Variants in KDM5B observed in about 807,000 individuals in gnomAD.
The protein encoded by KDM5B is lysine demethylase 5B, also known as lysine-specific demethylase 5B.
In KDM5B, 144 loss-of-function variants were observed where a neutral mutation model predicts 193.4. The ratio of observed to expected loss-of-function variants is 0.74; its 90% CI spans 0.65 to 0.86. The LOEUF (loss-of-function observed/expected upper bound fraction) is 0.86, where lower values mean the gene tolerates loss of function less well. KDM5B is among the 40% of genes least tolerant of loss of function. The pLI, the probability that KDM5B is intolerant of heterozygous loss-of-function variation, is 0.00. For synonymous variants in KDM5B, 668 were observed against 682.6 expected (o/e 0.98, Z 0.33); for missense variants, 1,833 against 1,886.9 (o/e 0.97, Z 0.53).
intron 18 of KDM5B, among the ~76,000 whole-genome samples, 173 bp from the exon 19 acceptor site, chr1:202,741,895 C>T (rs1445482227): frequency 6.6e-6 from 1 of 151,784 alleles, no homozygotes; most frequent in Non-Finnish European, 1.5e-5. Context: ...GTGACTATAA[C>T]AGACACCTTA....
At position 202,750,652 on chromosome 1, in the gene KDM5B, T is replaced by G. The variant is rs756704444; in HGVS notation, c.1821+7A>C. ...TTGAAAAGGTTAACTACATTGTAATTACATACCCAATCAACAGTGCAGAAG... is the reference window on the plus strand; with the variant it reads ...TTGAAAAGGTTAACTACATTGTAATGACATACCCAATCAACAGTGCAGAAG... On this transcript the variant is annotated splice_region_variant and intron_variant, in intron 13 of 26. Transcript: ENST00000367265. 3 of 1,613,058 alleles carry G rather than the reference T, an allele frequency of 1.9e-6. No individual in the cohort carries two copies. Among genetic ancestry groups the G allele is most frequent in the Non-Finnish European group, 2.5e-6 (3 of 1,179,428 alleles).
At chr1:202,757,144 G>A (rs1470211154) in intron 9 of KDM5B, among the ~76,000 whole-genome samples, 2 of 152,096 alleles carry the variant, frequency 1.3e-5, no homozygotes, top group African/African-American at 4.8e-5. Context: ...TAGATCCTTT[G>A]CATAGGCAGT....
At chr1:202,730,651 CTA>C (rs1487561182) in intron 25 of KDM5B, among the ~76,000 whole-genome samples, 2 of 152,142 alleles carry the variant, frequency 1.3e-5, no homozygotes, top group Non-Finnish European at 2.9e-5. Context: ...TCTATCCTAA[CTA>C]TATTCTCAGG....
At chr1:202,790,186 TC>T (rs1257053408) in intron 1 of KDM5B, among the ~76,000 whole-genome samples, 1 of 149,726 alleles carries the variant, frequency 6.7e-6, no homozygotes, top group African/African-American at 2.5e-5. Context: ...AATCTCAAAC[TC>T]GGGAGGTAAA....
rs1224349633 is a variant in KDM5B at position 202,745,847 on chromosome 1, G to A, written c.2323+11C>T. ...TTTGCCAATCACCAAGTCACTTTCT[G>A]TATCACATACTTTTCTTCTTGTTGA... On this transcript the variant is annotated intron_variant, in intron 16 of 26. Coordinates refer to ENST00000367265, the MANE Select transcript of KDM5B (RefSeq NM_006618.5). The A allele has an allele frequency of 6.2e-7, 1 of 1,613,692 alleles. No homozygotes were observed. Among genetic ancestry groups the A allele is most frequent in the African/African-American group, 1.3e-5 (1 of 75,030 alleles).
intron 1 of KDM5B, among the ~76,000 whole-genome samples, chr1:202,786,985 T>A (rs776801250): frequency 6.6e-6 from 1 of 152,210 alleles, no homozygotes; most frequent in Non-Finnish European, 1.5e-5. Flanking sequence ...TTATTCCTAC[T>A]GAGTCATGTC....
chr1:202,805,802 A>T (rs1196599542), intron 1 of KDM5B, among the ~76,000 whole-genome samples: 1 of 152,236 alleles, frequency 6.6e-6, no homozygotes, highest in African/African-American at 2.4e-5. Context: ...CAAGAGCTAC[A>T]ACTTCTGGAA....
In KDM5B at chr1:202,736,194, G is replaced by A. The variant is rs1655087071; in HGVS notation, c.3264+19C>T. The A allele has an allele frequency of 1.3e-6, 2 of 1,509,396 alleles. No homozygotes were observed. The highest frequency in any genetic ancestry group is 1.8e-6 in the Non-Finnish European group (2 of 1,124,410). 93.5% of individuals were successfully genotyped at this position (1,509,396 alleles called of 1,614,324 possible). On this transcript the variant is annotated intron_variant, in intron 21 of 26. Coordinates refer to ENST00000367265, the MANE Select transcript of KDM5B (RefSeq NM_006618.5). ...CTAGGAGATCTAAGGTCTTGCAGAT[G>A]AGCTGGTTGTAAACTTACCTCTAAG... is the stretch of plus-strand genomic sequence containing the variant.
In KDM5B at chr1:202,793,672, G is replaced by C. The variant is rs375625762; in HGVS notation, c.204+14430C>G. Among the ~76,000 whole-genome samples the C allele has an allele frequency of 5.3e-4, 81 of 152,206 alleles. 1 individual carries two copies. The East Asian group carries it at 0.012, about 23-fold the overall frequency. On this transcript the variant is annotated intron_variant, in intron 1 of 26. Transcript: ENST00000367265. Reference sequence around the variant, plus strand: ...CTTTCCACAAAATCTCTATTCTCTTGAAGTTTTCATTTCCTAGCTGGCTAA... The same window carrying C: ...CTTTCCACAAAATCTCTATTCTCTTCAAGTTTTCATTTCCTAGCTGGCTAA...
At chr1:202,769,040 CTTTTTTTTTT>C (rs527911947) in intron 4 of KDM5B, among the ~76,000 whole-genome samples, 3 of 119,602 alleles carry the variant, frequency 2.5e-5, no homozygotes, top group Non-Finnish European at 3.5e-5. Flanking sequence ...CTTTTTTTTT[CTTTTTTTTTT>C]TTTTGAGACA....
chr1:202,787,158 C>T (rs1657447361), intron 1 of KDM5B, among the ~76,000 whole-genome samples: 1 of 152,100 alleles, frequency 6.6e-6, no homozygotes, highest in South Asian at 2.1e-4. Flanking sequence ...ACATGCATGC[C>T]ACCACATCAG....
intron 1 of KDM5B, among the ~76,000 whole-genome samples, chr1:202,798,718 A>G (rs1657952984): frequency 6.6e-6 from 1 of 152,108 alleles, no homozygotes; most frequent in Admixed American, 6.6e-5. Context: ...AAAACAAGAA[A>G]AAAAGAAAAC....
chr1:202,767,009 G>A lies in KDM5B; in HGVS notation c.628C>T (p.Pro210Ser), dbSNP rs781517187. The change falls in exon 5 of 27, where the codon CCC (proline) becomes TCC (serine). Residue 210 changes from proline to serine, a missense_variant. This residue lies in a region of KDM5B where 355 missense variants were observed against 374.9 expected (regional missense o/e 0.95). Transcript: ENST00000367265. ...GACTGCCTCTGGGGAATATCATGGG[G>A]TTTGTACTCCTTGTCCTTAGTGTCT... ...TTDTKDKEYK[P>S]HDIPQRQSVQ... 1 of 1,606,402 alleles carries A rather than the reference G, an allele frequency of 6.2e-7. No homozygotes were observed. The highest frequency in any genetic ancestry group is 1.1e-5 in the South Asian group (1 of 89,478).
chr1:202,795,207 T>C (rs1212322899), intron 1 of KDM5B, among the ~76,000 whole-genome samples: 2 of 151,876 alleles, frequency 1.3e-5, no homozygotes, highest in Non-Finnish European at 2.9e-5. Context: ...AGTAAGTCTC[T>C]GTCTCCAAAA....
intron 4 of KDM5B, among the ~76,000 whole-genome samples, chr1:202,769,668 CAAAAAAAAAAAAAA>C (rs71142553): frequency 7.2e-5 from 4 of 55,918 alleles, no homozygotes; most frequent in Non-Finnish European, 1.2e-4. Flanking sequence ...GACTCTGTCT[CAAAAAAAAAAAAAA>C]AAAAAAAAAA....
At position 202,733,795 on chromosome 1, in the gene KDM5B, T is replaced by TG; in HGVS notation, c.3514dup (p.Gln1172ProfsTer22). Reference sequence around the variant, plus strand: ...TAGGCAGATTTTTATATCCACATCTTGGAGAGGCGACAGCAATTTCCCTTC... The same window carrying TG: ...TAGGCAGATTTTTATATCCACATCTTGGGAGAGGCGACAGCAATTTCCCTTC... On this transcript the variant is annotated frameshift_variant, in exon 23 of 27. Transcript: ENST00000367265. LOFTEE classifies it high-confidence loss of function. 6.2e-7 allele frequency: 1 copy of TG among 1,614,132 alleles called. No individual in the cohort carries two copies. The highest frequency in any genetic ancestry group is 8.5e-7 in the Non-Finnish European group (1 of 1,180,020).
intron 1 of KDM5B, chr1:202,807,388 C>G (rs1000049378): frequency 6.6e-6 from 1 of 151,678 alleles, no homozygotes; most frequent in African/African-American, 2.4e-5. Flanking sequence ...ACACTAACGC[C>G]CCCCACAAAC....
chr1:202,775,612 T>C (rs1346757030), intron 2 of KDM5B, among the ~76,000 whole-genome samples: 4 of 150,280 alleles, frequency 2.7e-5, no homozygotes, highest in Non-Finnish European at 5.9e-5. Context: ...TCCCAGCACT[T>C]TGGGAGGCCA....
chr1:202,753,664 G>GTTGTTT (rs1553354252), intron 11 of KDM5B, among the ~76,000 whole-genome samples: 14 of 105,780 alleles, frequency 1.3e-4, no homozygotes, highest in Admixed American at 2.4e-4. Flanking sequence ...TGTTGTTGTT[G>GTTGTTT]TTTTTTTTTT....
Sources: gnomAD v4.1 joint callset for allele counts (sites outside exome capture counted in the v4.1 genomes callset) on GRCh38, gnomAD v4.1.1 for gene constraint, gnomAD v4.1.1 regional missense constraint, MANE v1.5 for transcripts, NCBI Gene and HGNC (gene_info 2026-07-23, HGNC 2026-07-21) for gene names.